The following SRGAP3 variants were observed in gnomAD, a reference collection of about 807,000 sequenced individuals.
The protein encoded by SRGAP3 is SLIT-ROBO Rho GTPase activating protein 3.
Under a neutral mutation model 121.1 loss-of-function variants are expected in SRGAP3, and 39 were observed. The observed-to-expected ratio is 0.32, with a 90% CI of 0.25 to 0.42. SRGAP3 has a LOEUF of 0.42. Among genes scored for constraint, SRGAP3 ranks in the 10% least tolerant of loss-of-function variants. SRGAP3 has a pLI of 1.00. For synonymous variants in SRGAP3, 601 were observed against 570.0 expected (o/e 1.05, Z -0.77); for missense variants, 1,213 against 1,470.6 (o/e 0.82, Z 2.86).
intron 3 of SRGAP3, among the ~76,000 whole-genome samples, chr3:9,302,697 A>G (rs1352119221): frequency 1.3e-5 from 2 of 152,188 alleles, no homozygotes; most frequent in Admixed American, 1.3e-4. Flanking sequence ...TCTTGCAGTG[A>G]GGAAGGGCTA....
At chr3:9,228,036 C>T (rs1440027413) in intron 1 of SRGAP3, among the ~76,000 whole-genome samples, 1 of 152,148 alleles carries the variant, frequency 6.6e-6, no homozygotes, top group Non-Finnish European at 1.5e-5. Context: ...ACAACCCAAT[C>T]TGATGATCAT....
At chr3:9,039,809 G>C (rs541044928) in intron 10 of SRGAP3, among the ~76,000 whole-genome samples, 2 of 152,322 alleles carry the variant, frequency 1.3e-5, no homozygotes, top group African/African-American at 4.8e-5. Context: ...GTACGGTTTA[G>C]TAATTCATTT....
intron 1 of SRGAP3, among the ~76,000 whole-genome samples, chr3:9,210,997 A>G (rs1952428283): frequency 6.6e-6 from 1 of 152,214 alleles, no homozygotes; most frequent in African/African-American, 2.4e-5. Context: ...TTATATAACA[A>G]ACAAGTAATG....
intron 1 of SRGAP3, among the ~76,000 whole-genome samples, chr3:9,170,351 G>GA (rs922251956): frequency 2.0e-5 from 3 of 152,142 alleles, no homozygotes; most frequent in African/African-American, 7.2e-5. Context: ...AACTTTCTGT[G>GA]TTTTTTTACG....
intron 2 of SRGAP3, among the ~76,000 whole-genome samples, chr3:9,120,676 C>T (rs1421403944): frequency 6.6e-6 from 1 of 152,196 alleles, no homozygotes; most frequent in East Asian, 1.9e-4. Flanking sequence ...CACTGATTCC[C>T]TCTCCACTTC....
At position 9,356,422 on chromosome 3, in the gene SRGAP3, G is replaced by C. The variant is rs571201743; in HGVS notation, n.214+6418C>G. 2.2e-5 allele frequency among the ~76,000 whole-genome samples: 3 copies of C among 137,278 alleles called. No homozygotes were observed. The South Asian group carries it at 7.2e-4, about 33-fold the overall frequency. The allele number at this position is 137,278 out of a possible 152,430, so 90.1% of individuals were successfully genotyped here. On this transcript the variant is annotated intron_variant and non_coding_transcript_variant, in intron 1 of 3. Transcript: ENST00000490889. ...GAGTCCCGCTCTATCGCCCAGGCTG[G>C]AGTGCAGTGGCGCAAACTGGGCTCA... is the stretch of plus-strand genomic sequence containing the variant.
intron 7 of SRGAP3, among the ~76,000 whole-genome samples, chr3:9,057,022 C>T (rs571064085): frequency 6.6e-6 from 1 of 152,332 alleles, no homozygotes; most frequent in East Asian, 1.9e-4. Context: ...GCTGGGACTA[C>T]AGGCACCTGC....
In SRGAP3 at chr3:8,985,624, C is replaced by T; in HGVS notation, c.3195G>A (p.Gln1065=). Residue 1065 remains glutamine, a synonymous_variant, in exon 22 of 22, where the codon CAG becomes CAA. Coordinates refer to ENST00000383836, the MANE Select transcript of SRGAP3 (RefSeq NM_014850.4). This position sits in a 1 kb window ranked among gnomAD's most constrained non-coding sequence, Gnocchi z 5.1. The part of the protein sequence containing the change: ...PPMRPVRPVV[Q]HRSSSSSSSG... ...AGCTGCTGCTGCTGCTGGACCGGTG[C>T]TGGACCACCGGCCGCACGGGCCGCA... The T allele has an allele frequency of 6.3e-7, 1 of 1,595,750 alleles. No homozygotes were observed. Among genetic ancestry groups the T allele is most frequent in the Non-Finnish European group, 8.5e-7 (1 of 1,178,024 alleles).
chr3:9,199,555 T>C (rs1262421489), intron 1 of SRGAP3, among the ~76,000 whole-genome samples: 1 of 152,248 alleles, frequency 6.6e-6, no homozygotes, highest in Non-Finnish European at 1.5e-5. Context: ...TTCTAATGGC[T>C]GTATAATATT....
At position 9,156,762 on chromosome 3, in the gene SRGAP3, G is replaced by A. The variant is rs79400296; in HGVS notation, c.68-31845C>T. On this transcript the variant is annotated intron_variant, in intron 1 of 21. Coordinates refer to ENST00000383836, the MANE Select transcript of SRGAP3 (RefSeq NM_014850.4). ...AGGGAAGAACTGCACTGGCAGGGAA[G>A]CAAGATCTAGTAACGTATTTCCCAA... is the stretch of plus-strand genomic sequence containing the variant. 3.3e-5 allele frequency among the ~76,000 whole-genome samples: 5 copies of A among 152,286 alleles called. No homozygotes were observed. The East Asian group carries it at 7.7e-4, about 23-fold the overall frequency.
intron 1 of SRGAP3, among the ~76,000 whole-genome samples, chr3:9,340,228 G>A (rs921378747): frequency 6.6e-6 from 1 of 152,158 alleles, no homozygotes; most frequent in African/African-American, 2.4e-5. Flanking sequence ...ATTCTTTCCA[G>A]TTCAATCTAT....
intron 1 of SRGAP3, among the ~76,000 whole-genome samples, chr3:9,221,410 G>A (rs887353341): frequency 6.6e-5 from 10 of 152,058 alleles, no homozygotes; most frequent in Non-Finnish European, 2.9e-5. Context: ...GGTGGTGCAC[G>A]CCTGTAGTCC....
intron 1 of SRGAP3, among the ~76,000 whole-genome samples, chr3:9,344,319 G>A (rs1955845950): frequency 6.6e-6 from 1 of 152,228 alleles, no homozygotes; most frequent in Non-Finnish European, 1.5e-5. Flanking sequence ...GCTGGGCATT[G>A]TGGTGGGTGC....
intron 1 of SRGAP3, among the ~76,000 whole-genome samples, chr3:9,355,097 C>G (rs1307241597): frequency 6.6e-6 from 1 of 152,226 alleles, no homozygotes; most frequent in Non-Finnish European, 1.5e-5. Context: ...ATGCATCTGT[C>G]AGCAGGACAT....
At chr3:9,305,536 T>G (rs1955144839) in intron 3 of SRGAP3, among the ~76,000 whole-genome samples, 2 of 152,026 alleles carry the variant, frequency 1.3e-5, no homozygotes, top group African/African-American at 4.8e-5. Context: ...ATTAGATATT[T>G]CTCCTAATGC....
chr3:9,224,571 T>G (rs888824443), intron 1 of SRGAP3, among the ~76,000 whole-genome samples: 1 of 152,068 alleles, frequency 6.6e-6, no homozygotes, highest in Non-Finnish European at 1.5e-5. Context: ...TACCTTCATA[T>G]CTGTGGGAGA....
At chr3:9,020,770 T>G (rs1170882490) in intron 14 of SRGAP3, among the ~76,000 whole-genome samples, 1 of 152,224 alleles carries the variant, frequency 6.6e-6, no homozygotes, top group Non-Finnish European at 1.5e-5. Context: ...GGAGACGAGC[T>G]GGATGGTTCC....
chr3:9,158,115 G>C (rs11719696), intron 1 of SRGAP3, among the ~76,000 whole-genome samples: 29,355 of 152,230 alleles, frequency 0.19, 3,112 homozygotes, highest in African/African-American at 0.26. Flanking sequence ...GCTCGGGCCT[G>C]TAACAAATTG....
chr3:9,134,935 T>A (rs1295416294), intron 1 of SRGAP3, among the ~76,000 whole-genome samples: 1 of 152,184 alleles, frequency 6.6e-6, no homozygotes, highest in Non-Finnish European at 1.5e-5. Context: ...TGAGACTCAG[T>A]TTCCTCTGTC....
Sources: gnomAD v4.1 joint callset for allele counts (sites outside exome capture counted in the v4.1 genomes callset) on GRCh38, gnomAD v4.1.1 for gene constraint, Gnocchi (gnomAD v3.1) non-coding constraint, MANE v1.5 for transcripts, NCBI Gene and HGNC (gene_info 2026-07-23, HGNC 2026-07-21) for gene names.